Variants in UNC5C observed in about 807,000 individuals in gnomAD.
UNC5C encodes the protein unc-5 netrin receptor C.
In UNC5C, 47 loss-of-function variants were observed where a neutral mutation model predicts 99.8. The ratio of observed to expected loss-of-function variants is 0.47; its 90% CI spans 0.37 to 0.60. UNC5C has a LOEUF of 0.60. UNC5C is among the 20% of genes least tolerant of loss of function. The pLI is 0.00. For missense variants in UNC5C, 1,062 were observed against 1,165.9 expected, an observed-to-expected ratio of 0.91 and a Z score of 1.30; for synonymous variants, 487 against 452.2, an observed-to-expected ratio of 1.08 and a Z score of -0.98.
At chr4:95,395,313 CT>C (rs1745479549) in intron 1 of UNC5C, among the ~76,000 whole-genome samples, 1 of 151,838 alleles carries the variant, frequency 6.6e-6, no homozygotes, top group South Asian at 2.1e-4. Flanking sequence ...GGTCAAAATG[CT>C]GGTGAATGTC....
At chr4:95,407,700 T>A (rs1745868460) in intron 1 of UNC5C, among the ~76,000 whole-genome samples, 1 of 152,040 alleles carries the variant, frequency 6.6e-6, no homozygotes, top group African/African-American at 2.4e-5. Context: ...AGAAAGTAAA[T>A]AAATTAATAT....
At chr4:95,424,667 G>A (rs1560827943) in intron 1 of UNC5C, among the ~76,000 whole-genome samples, 1 of 151,060 alleles carries the variant, frequency 6.6e-6, no homozygotes, top group Non-Finnish European at 1.5e-5. Flanking sequence ...GACTACAGGT[G>A]CCCCCCACCA....
chr4:95,348,820 C>T (rs62307079), intron 1 of UNC5C, among the ~76,000 whole-genome samples: 117,364 of 151,134 alleles, frequency 0.78, 46,194 homozygotes, highest in East Asian at 1. Flanking sequence ...TGCAAAAACA[C>T]AGGTGGAACT....
chr4:95,333,718 T>C (rs2149420109), intron 2 of UNC5C, among the ~76,000 whole-genome samples: 1 of 152,210 alleles, frequency 6.6e-6, no homozygotes, highest in East Asian at 1.9e-4. Context: ...ACTTAAAGTA[T>C]AATAATAAAA....
chr4:95,221,268 T>C (rs1437181094), intron 7 of UNC5C, among the ~76,000 whole-genome samples: 1 of 152,268 alleles, frequency 6.6e-6, no homozygotes, highest in East Asian at 1.9e-4. Flanking sequence ...TAAAAGAGGT[T>C]GTTAAATTGG....
At chr4:95,374,745 C>A (rs368729597) in intron 1 of UNC5C, among the ~76,000 whole-genome samples, 54 of 152,160 alleles carry the variant, frequency 3.5e-4, no homozygotes, top group African/African-American at 1.2e-3. Flanking sequence ...GCCATCTAAC[C>A]CAGTCTAAGT....
At chr4:95,510,822 A>G (rs150149629) in intron 1 of UNC5C, among the ~76,000 whole-genome samples, 161 of 152,226 alleles carry the variant, frequency 1.1e-3, no homozygotes, top group African/African-American at 3.5e-3. Flanking sequence ...ATATTCTTCA[A>G]CACTGTCCGA....
At chr4:95,399,436 T>C (rs940961567) in intron 1 of UNC5C, among the ~76,000 whole-genome samples, 1 of 152,220 alleles carries the variant, frequency 6.6e-6, no homozygotes, top group South Asian at 2.1e-4. Context: ...GATTTTCAAA[T>C]TGGATTATGT....
chr4:95,169,490 T>A, intron 15 of UNC5C, 91 bp from the exon 16 acceptor site: 2 of 1,441,508 alleles, frequency 1.4e-6, no homozygotes, highest in Non-Finnish European at 1.9e-6. Flanking sequence ...TACTTGTCTT[T>A]AAGTTTCCTG....
At chr4:95,354,071 A>T (rs1248119272) in intron 1 of UNC5C, among the ~76,000 whole-genome samples, 1 of 152,122 alleles carries the variant, frequency 6.6e-6, no homozygotes, top group Admixed American at 6.6e-5. Context: ...TCCAACATAA[A>T]AACAACGAAG....
chr4:95,386,739 C>G (rs375109050), intron 1 of UNC5C, among the ~76,000 whole-genome samples: 1 of 152,180 alleles, frequency 6.6e-6, no homozygotes, highest in Non-Finnish European at 1.5e-5. Context: ...CATATGTTCA[C>G]CTTTGCTGGG....
In UNC5C at chr4:95,286,266, T is replaced by G. The variant is rs1741231527; in HGVS notation, c.491-7904A>C. On this transcript the variant is annotated intron_variant, in intron 3 of 15. Transcript: ENST00000453304. Reference sequence around the variant, plus strand: ...TTGAAGGTGATGTTTCATAAAGAGATATGCAGGTATTACCCTGCTGTGCTT... The same window carrying G: ...TTGAAGGTGATGTTTCATAAAGAGAGATGCAGGTATTACCCTGCTGTGCTT... Among the ~76,000 whole-genome samples the G allele has an allele frequency of 2.0e-5, 3 of 152,232 alleles. No individual in the cohort carries two copies. In the South Asian group the frequency reaches 6.2e-4, roughly 32 times the overall value.
chr4:95,191,731 C>T (rs1737107533), intron 12 of UNC5C, among the ~76,000 whole-genome samples: 1 of 148,916 alleles, frequency 6.7e-6, no homozygotes, highest in Non-Finnish European at 1.5e-5. Context: ...TCACCTCCTC[C>T]CTTTCTCACA....
At chr4:95,529,889 CA>C (rs1560495754) in intron 1 of UNC5C, among the ~76,000 whole-genome samples, 1 of 152,112 alleles carries the variant, frequency 6.6e-6, no homozygotes, top group African/African-American at 2.4e-5. Flanking sequence ...TCAAAATATG[CA>C]GACAAATGAC....
rs1305134852 is a variant in UNC5C, at chr4:95,163,601, A to G, written c.*5633T>C. 6.6e-6 allele frequency: 1 copy of G among 152,230 alleles called. No homozygotes were observed. Among genetic ancestry groups the G allele is most frequent in the Non-Finnish European group, 1.5e-5 (1 of 68,042 alleles). The allele number at this position is 152,230 out of a possible 1,614,324, so 9.4% of individuals were successfully genotyped here. A position where few individuals can be genotyped will look rare whatever the true frequency, so the allele number is the denominator to read the frequency against. On this transcript the variant is annotated 3_prime_UTR_variant, in exon 16 of 16. Coordinates refer to ENST00000453304, the MANE Select transcript of UNC5C (RefSeq NM_003728.4). ...AACTTAAAAATGACACACAATTTAG[A>G]CATATTTGTAAAAGACCCTTAAATG...
At chr4:95,352,651 A>G (rs1312908113) in intron 1 of UNC5C, among the ~76,000 whole-genome samples, 3 of 152,184 alleles carry the variant, frequency 2.0e-5, no homozygotes, top group East Asian at 1.9e-4. Flanking sequence ...CAGCTCCCCA[A>G]TCCAGACTAC....
At chr4:95,365,564 T>C (rs1490229041) in intron 1 of UNC5C, among the ~76,000 whole-genome samples, 1 of 151,868 alleles carries the variant, frequency 6.6e-6, no homozygotes, top group Non-Finnish European at 1.5e-5. Context: ...TAATTCTGTT[T>C]AAATATTATA....
chr4:95,271,376 C>T lies in UNC5C; in HGVS notation c.594+6883G>A, dbSNP rs1387126679. On this transcript the variant is annotated intron_variant, in intron 4 of 15. Transcript: ENST00000453304. ...CCGCGTAGCTGGGACTACAGGCGCC[C>T]GCCACCACGCCCGGCTAATTTTTTT... Among the ~76,000 whole-genome samples, 6 of 151,244 alleles carry T rather than the reference C, an allele frequency of 4.0e-5. No individual in the cohort carries two copies. In the East Asian group the frequency reaches 5.8e-4, roughly 15 times the overall value.
In UNC5C at chr4:95,301,603, C is replaced by T; in HGVS notation, c.490+3G>A. The T allele has an allele frequency of 1.9e-6, 3 of 1,613,896 alleles. No individual in the cohort carries two copies. The highest frequency in any genetic ancestry group is 2.2e-5 in the East Asian group (1 of 44,874). On this transcript the variant is annotated splice_donor_region_variant and intron_variant, in intron 3 of 15. Transcript: ENST00000453304. ...CCAAGGTGCTTATTGTACAATGACT[C>T]ACATGCAATGCGCACATACGCCTTC...
Sources: gnomAD v4.1 joint callset for allele counts (sites outside exome capture counted in the v4.1 genomes callset) on GRCh38, gnomAD v4.1.1 for gene constraint, MANE v1.5 for transcripts, NCBI Gene and HGNC (gene_info 2026-07-23, HGNC 2026-07-21) for gene names.